The following GALNT13 variants were observed in gnomAD, a reference collection of about 807,000 sequenced individuals.
GALNT13 encodes polypeptide N-acetylgalactosaminyltransferase 13.
GALNT13 carries 28 observed loss-of-function variants against 64.2 expected under a neutral mutation model. The ratio of observed to expected loss-of-function variants is 0.44; its 90% CI spans 0.32 to 0.60. The LOEUF is 0.60. GALNT13 is among the 20% of genes least tolerant of loss of function. The probability of loss-of-function intolerance (pLI) is 0.05; values close to 1 mark genes in which losing one functional copy is unlikely to be tolerated. For synonymous variants in GALNT13, 214 were observed against 224.6 expected, an observed-to-expected ratio of 0.95 and a Z score of 0.42; for missense variants, 577 against 669.8, an observed-to-expected ratio of 0.86 and a Z score of 1.53.
the GALNT13 span, among the ~76,000 whole-genome samples, chr2:153,422,868 A>C: frequency 6.6e-6 from 1 of 152,074 alleles, no homozygotes; most frequent in East Asian, 1.9e-4. Flanking sequence ...CAATAACAGC[A>C]AAACCAACAA....
chr2:153,742,655 T>C, the GALNT13 span, among the ~76,000 whole-genome samples: 1 of 152,088 alleles, frequency 6.6e-6, no homozygotes, highest in Non-Finnish European at 1.5e-5. Flanking sequence ...CTCCCACTTA[T>C]GTGAGAATGT....
chr2:154,394,226 C>G, intron 9 of GALNT13, among the ~76,000 whole-genome samples: 1 of 151,924 alleles, frequency 6.6e-6, no homozygotes, highest in Non-Finnish European at 1.5e-5. Context: ...AACCAGCTCA[C>G]TGTCCATTTT....
chr2:154,265,381 C>T (rs977638421), intron 8 of GALNT13, among the ~76,000 whole-genome samples: 12 of 152,064 alleles, frequency 7.9e-5, no homozygotes, highest in African/African-American at 2.4e-4. Flanking sequence ...CTGGTGAACT[C>T]TACCAAATGT....
At chr2:153,599,941 A>G in the GALNT13 span, among the ~76,000 whole-genome samples, 1 of 152,120 alleles carries the variant, frequency 6.6e-6, no homozygotes, top group African/African-American at 2.4e-5. Flanking sequence ...AAGATGGCTG[A>G]TGGGTATGAC....
the GALNT13 span, among the ~76,000 whole-genome samples, chr2:153,078,737 T>A: frequency 1.3e-5 from 2 of 152,186 alleles, no homozygotes; most frequent in Non-Finnish European, 2.9e-5. Context: ...CTAGTGTTTC[T>A]CCTTTAAATA....
At chr2:154,358,924 G>T (rs1186156755) in intron 9 of GALNT13, among the ~76,000 whole-genome samples, 2 of 152,002 alleles carry the variant, frequency 1.3e-5, no homozygotes, top group African/African-American at 4.8e-5. Context: ...GTTTCAATCT[G>T]CATTCCTTGT....
the GALNT13 span, among the ~76,000 whole-genome samples, chr2:153,250,906 T>G: frequency 6.6e-6 from 1 of 152,044 alleles, no homozygotes; most frequent in East Asian, 1.9e-4. Context: ...CAGAGAGGAA[T>G]AGGACAAATA....
the GALNT13 span, among the ~76,000 whole-genome samples, chr2:153,144,186 A>G: frequency 8.7e-3 from 1,317 of 152,076 alleles, 21 homozygotes; most frequent in African/African-American, 0.03. Flanking sequence ...CCCTGCATGA[A>G]AGACTGGTGT....
intron 9 of GALNT13, among the ~76,000 whole-genome samples, chr2:154,373,113 T>TA (rs1697793192): frequency 6.6e-6 from 1 of 152,244 alleles, no homozygotes; most frequent in East Asian, 1.9e-4. Context: ...AAAACTTATA[T>TA]AAAAAATGAA....
chr2:153,796,067 C>T, the GALNT13 span, among the ~76,000 whole-genome samples: 10 of 152,278 alleles, frequency 6.6e-5, no homozygotes, highest in Middle Eastern at 0.01. Context: ...AGAGTTAAAG[C>T]GTTCACTTCT....
At chr2:153,342,995 T>A in the GALNT13 span, among the ~76,000 whole-genome samples, 908 of 152,234 alleles carry the variant, frequency 6.0e-3, 8 homozygotes, top group African/African-American at 0.02. Context: ...AGAGAACCAA[T>A]AAGAAAGGCA....
At chr2:153,532,498 C>T in the GALNT13 span, among the ~76,000 whole-genome samples, 1 of 152,124 alleles carries the variant, frequency 6.6e-6, no homozygotes, top group Non-Finnish European at 1.5e-5. Flanking sequence ...AAGGCCTTTT[C>T]CCCATTGTCT....
At chr2:154,436,568 GAA>G (rs1700983727) in intron 11 of GALNT13, 1 of 152,122 alleles carries the variant, frequency 6.6e-6, no homozygotes, top group Non-Finnish European at 1.5e-5. Context: ...ATGAACAAAA[GAA>G]ATTTCTCTAG....
At chr2:153,833,350 T>A in the GALNT13 span, among the ~76,000 whole-genome samples, 1 of 152,020 alleles carries the variant, frequency 6.6e-6, no homozygotes, top group Non-Finnish European at 1.5e-5. Context: ...AGAATAAAAA[T>A]TGTAATTTGA....
At chr2:153,555,746 G>A in the GALNT13 span, among the ~76,000 whole-genome samples, 2 of 152,120 alleles carry the variant, frequency 1.3e-5, no homozygotes, top group African/African-American at 4.8e-5. Context: ...GCTCTTAATT[G>A]CTGTGTTACA....
At chr2:154,037,041 C>A (rs973775406) in intron 3 of GALNT13, among the ~76,000 whole-genome samples, 1 of 151,958 alleles carries the variant, frequency 6.6e-6, no homozygotes, top group Non-Finnish European at 1.5e-5. Context: ...TTTTCTTAAC[C>A]TTTTATGGTT....
At chr2:153,722,320 A>G in the GALNT13 span, among the ~76,000 whole-genome samples, 1 of 143,118 alleles carries the variant, frequency 7.0e-6, no homozygotes, top group Non-Finnish European at 1.5e-5. Flanking sequence ...GTGTAGAGGG[A>G]AATTTATAGC....
At chr2:153,747,618 G>A in the GALNT13 span, among the ~76,000 whole-genome samples, 3 of 151,778 alleles carry the variant, frequency 2.0e-5, no homozygotes, top group African/African-American at 7.3e-5. Context: ...AGTAGAGACA[G>A]GGTTTCAGTA....
At chr2:153,688,991 G>GGTGTGTGTGTGTGT in the GALNT13 span, among the ~76,000 whole-genome samples, 153 of 130,220 alleles carry the variant, frequency 1.2e-3, 1 homozygote, top group East Asian at 7.5e-3. Flanking sequence ...TAGAGGTAGG[G>GGTGTGTGTGTGTGT]GTGTGTGTGT....
Sources: allele counts gnomAD v4.1 joint callset (sites outside exome capture counted in the v4.1 genomes callset), GRCh38; gene constraint gnomAD v4.1.1; transcripts MANE v1.5; gene names NCBI Gene and HGNC (gene_info 2026-07-23, HGNC 2026-07-21).